Variants in TBC1D2B observed in about 807,000 individuals in gnomAD.
TBC1D2B encodes TBC1 domain family, member 2B.
TBC1D2B carries 64 observed loss-of-function variants against 100.8 expected under a neutral mutation model. The ratio of observed to expected loss-of-function variants is 0.64; its 90% CI spans 0.52 to 0.78. The LOEUF is 0.78. Among genes scored for constraint, TBC1D2B ranks in the 30% least tolerant of loss-of-function variants. The pLI, the probability that TBC1D2B is intolerant of heterozygous loss-of-function variation, is 0.00. For missense variants in TBC1D2B, 1,052 were observed against 1,218.4 expected, an observed-to-expected ratio of 0.86 and a Z score of 2.03; for synonymous variants, 480 against 479.7, an observed-to-expected ratio of 1.00 and a Z score of -0.01.
intron 2 of TBC1D2B, among the ~76,000 whole-genome samples, chr15:78,045,443 A>G (rs928840764): frequency 1.3e-5 from 2 of 152,254 alleles, no homozygotes; most frequent in Admixed American, 1.3e-4. Flanking sequence ...ATAAACTGTT[A>G]TATAAGAAAA....
chr15:78,024,311 G>T lies in TBC1D2B; in HGVS notation c.1315C>A (p.Gln439Lys). 2 of 1,614,038 alleles carry T rather than the reference G, an allele frequency of 1.2e-6. No homozygotes were observed. The highest frequency in any genetic ancestry group is 8.5e-7 in the Non-Finnish European group (1 of 1,179,888). Reference protein sequence around the residue: ...LKSKVGELNEQLGMLMETIQA... With the variant: ...LKSKVGELNEKLGMLMETIQA... ...ATGGTCTCCATGAGCATTCCCAGCT[G>T]CTCGTTGAGCTCGCCCACTTTGCTC... The change falls in exon 6 of 13, where the codon CAG becomes AAG. Residue 439 changes from glutamine to lysine, a missense_variant. Transcript: ENST00000300584.
chr15:78,017,000 C>T (rs924191403), intron 7 of TBC1D2B: 12 of 377,832 alleles, frequency 3.2e-5, no homozygotes, highest in Non-Finnish European at 4.8e-5. Flanking sequence ...CACCTCTGGA[C>T]AGAGGTGGAG....
At chr15:78,004,136 T>C (rs777328915) in intron 10 of TBC1D2B, among the ~76,000 whole-genome samples, 14 of 152,216 alleles carry the variant, frequency 9.2e-5, no homozygotes, top group Admixed American at 5.9e-4. Flanking sequence ...ATGAGGCTTA[T>C]ATAAACTACC....
intron 12 of TBC1D2B, among the ~76,000 whole-genome samples, chr15:78,000,653 CCTCAG>C (rs1294999433): frequency 6.6e-6 from 1 of 152,252 alleles, no homozygotes; most frequent in Non-Finnish European, 1.5e-5. Context: ...CCTGGCATGG[CCTCAG>C]CCAGCACCTC....
chr15:78,042,745 G>C (rs1201241949), intron 3 of TBC1D2B, among the ~76,000 whole-genome samples: 2 of 152,204 alleles, frequency 1.3e-5, no homozygotes, highest in African/African-American at 4.8e-5. Context: ...CCGGAACACA[G>C]AGGCTCACAA....
At chr15:78,059,683 C>A (rs1288675467) in intron 1 of TBC1D2B, among the ~76,000 whole-genome samples, 1 of 152,096 alleles carries the variant, frequency 6.6e-6, no homozygotes, top group East Asian at 1.9e-4. Flanking sequence ...CCCCAGGTCT[C>A]CAGTAGCTCA....
intron 3 of TBC1D2B, among the ~76,000 whole-genome samples, chr15:78,032,155 C>G (rs1378397833): frequency 6.6e-6 from 1 of 152,106 alleles, no homozygotes; most frequent in East Asian, 1.9e-4. Context: ...GGGAGAGAAC[C>G]AACTGAGAGA....
chr15:78,026,401 C>T (rs1384067041), intron 4 of TBC1D2B, among the ~76,000 whole-genome samples: 1 of 152,194 alleles, frequency 6.6e-6, no homozygotes, highest in East Asian at 1.9e-4. Flanking sequence ...CTTGCCCTCT[C>T]TTGCTCTCTT....
intron 3 of TBC1D2B, among the ~76,000 whole-genome samples, chr15:78,036,889 G>A (rs556112085): frequency 3.9e-5 from 6 of 152,256 alleles, no homozygotes; most frequent in African/African-American, 7.2e-5. Flanking sequence ...GAGCATTAAC[G>A]TCCAAAGTCA....
At chr15:78,021,808 T>C (rs1402326213) in intron 6 of TBC1D2B, among the ~76,000 whole-genome samples, 2 of 152,110 alleles carry the variant, frequency 1.3e-5, no homozygotes, top group African/African-American at 4.8e-5. Flanking sequence ...CTCCACCCAT[T>C]ATGCTGCAAA....
At chr15:78,069,411 A>G (rs1220331480) in intron 1 of TBC1D2B, among the ~76,000 whole-genome samples, 1 of 152,262 alleles carries the variant, frequency 6.6e-6, no homozygotes, top group Non-Finnish European at 1.5e-5. Flanking sequence ...AGATAGGTTC[A>G]GCTTTGCATT....
chr15:78,070,752 G>T (rs546160464), intron 1 of TBC1D2B, among the ~76,000 whole-genome samples: 1 of 152,298 alleles, frequency 6.6e-6, no homozygotes, highest in East Asian at 1.9e-4. Flanking sequence ...CCACCTCCTG[G>T]GATCAAGCAG....
Position 78,025,274 on chromosome 15 carries a change from GTCTT to G in TBC1D2B, c.1067_1070del (p.Lys356ThrfsTer70). ...AAGAAGTTACCTTCTGACTGGACAG[GTCTT>G]TCTTTAACTGTTCCAGCTCTTCCTG... On this transcript the variant is annotated frameshift_variant, in exon 5 of 13. Transcript: ENST00000300584. LOFTEE classifies it high-confidence loss of function. The G allele has an allele frequency of 6.2e-7, 1 of 1,613,588 alleles. No individual in the cohort carries two copies. The highest frequency in any genetic ancestry group is 8.5e-7 in the Non-Finnish European group (1 of 1,179,812).
intron 3 of TBC1D2B, chr15:78,034,727 T>C: frequency 3.0e-6 from 3 of 985,452 alleles, no homozygotes; most frequent in Non-Finnish European, 3.6e-6. Context: ...GGTGCGGTGC[T>C]ACTTGTCAAG....
At chr15:78,047,807 G>A (rs1463980729) in intron 2 of TBC1D2B, among the ~76,000 whole-genome samples, 2 of 152,184 alleles carry the variant, frequency 1.3e-5, no homozygotes, top group Non-Finnish European at 2.9e-5. Context: ...AGTGTCTGGA[G>A]TGGGGGGCAG....
At chr15:78,076,230 G>A (rs373884880) in intron 1 of TBC1D2B, among the ~76,000 whole-genome samples, 4 of 152,276 alleles carry the variant, frequency 2.6e-5, no homozygotes, top group African/African-American at 9.6e-5. Context: ...CTTCTACACT[G>A]TATCTCTCAT....
At chr15:78,010,676 C>T (rs1177876580) in intron 9 of TBC1D2B, among the ~76,000 whole-genome samples, 6 of 151,926 alleles carry the variant, frequency 3.9e-5, no homozygotes, top group Admixed American at 2.6e-4. Flanking sequence ...AGTCTGAAAG[C>T]GACAGAGCCT....
At chr15:78,056,019 G>T (rs1367656523) in intron 1 of TBC1D2B, among the ~76,000 whole-genome samples, 2 of 152,182 alleles carry the variant, frequency 1.3e-5, no homozygotes, top group Admixed American at 1.3e-4. Flanking sequence ...AGGTTCAAAA[G>T]CTTCAAAGTA....
chr15:78,033,448 A>C (rs2072868002), intron 3 of TBC1D2B, among the ~76,000 whole-genome samples: 1 of 152,208 alleles, frequency 6.6e-6, no homozygotes. Flanking sequence ...AATTTTTAAA[A>C]CTCAAAGCTA....
Sources: gnomAD v4.1 joint callset for allele counts (sites outside exome capture counted in the v4.1 genomes callset) on GRCh38, gnomAD v4.1.1 for gene constraint, MANE v1.5 for transcripts, NCBI Gene and HGNC (gene_info 2026-07-23, HGNC 2026-07-21) for gene names.